The following RPS6KC1 variants were observed in gnomAD, a reference collection of about 807,000 sequenced individuals.
The protein encoded by RPS6KC1 is ribosomal protein S6 kinase C1, also known as inactive ribosomal protein S6 kinase delta-1.
In RPS6KC1, 54 loss-of-function variants were observed where a neutral mutation model predicts 103.8. The ratio of observed to expected loss-of-function variants is 0.52; its 90% CI spans 0.42 to 0.65. The LOEUF is 0.65. RPS6KC1 is among the 30% of genes least tolerant of loss of function. RPS6KC1 has a pLI of 0.00. For missense variants in RPS6KC1, 1,151 were observed against 1,253.8 expected, an observed-to-expected ratio of 0.92 and a Z score of 1.24; for synonymous variants, 439 against 438.7, an observed-to-expected ratio of 1.00 and a Z score of -0.01.
chr1:213,706,595 A>T, the RPS6KC1 span, among the ~76,000 whole-genome samples: 1 of 152,174 alleles, frequency 6.6e-6, no homozygotes, highest in Admixed American at 6.5e-5. Context: ...CATATGCAGA[A>T]TATGCAGGTT....
At chr1:213,767,833 A>G in the RPS6KC1 span, among the ~76,000 whole-genome samples, 1 of 152,164 alleles carries the variant, frequency 6.6e-6, no homozygotes. Context: ...CATCATTGTC[A>G]TCTGTGTTCT....
the RPS6KC1 span, among the ~76,000 whole-genome samples, chr1:213,685,805 T>G: frequency 6.6e-6 from 1 of 152,174 alleles, no homozygotes; most frequent in South Asian, 2.1e-4. Context: ...ACCCTAAAAG[T>G]GTCTGTTAAA....
At chr1:213,582,088 CTT>C in the RPS6KC1 span, among the ~76,000 whole-genome samples, 142 of 139,186 alleles carry the variant, frequency 1.0e-3, no homozygotes, top group African/African-American at 2.5e-3. Flanking sequence ...GATCAGGGAC[CTT>C]TTTTTTTTTT....
At chr1:213,848,507 A>G in the RPS6KC1 span, among the ~76,000 whole-genome samples, 3 of 152,240 alleles carry the variant, frequency 2.0e-5, no homozygotes, top group South Asian at 4.2e-4. Flanking sequence ...TATAGTATAT[A>G]TGTGTATGTA....
At chr1:213,684,538 T>G in the RPS6KC1 span, among the ~76,000 whole-genome samples, 12 of 152,218 alleles carry the variant, frequency 7.9e-5, no homozygotes, top group Admixed American at 7.9e-4. Context: ...CCATCCCTGT[T>G]AGGTTACACT....
chr1:213,438,330 C>T, the RPS6KC1 span, among the ~76,000 whole-genome samples: 19 of 152,196 alleles, frequency 1.2e-4, no homozygotes, highest in South Asian at 3.5e-3. Context: ...TTGTATGACT[C>T]ATAATTTTCT....
chr1:213,286,540 G>C, the RPS6KC1 span, among the ~76,000 whole-genome samples: 1 of 152,192 alleles, frequency 6.6e-6, no homozygotes, highest in Non-Finnish European at 1.5e-5. Context: ...CACCTTTGGA[G>C]AATTACAGGG....
the RPS6KC1 span, among the ~76,000 whole-genome samples, chr1:213,316,223 G>T: frequency 1.7e-4 from 26 of 152,212 alleles, no homozygotes; most frequent in African/African-American, 6.3e-4. Context: ...CATCTAAGAT[G>T]TGCCTGCTTC....
At chr1:213,137,685 G>T (rs905362013) in intron 6 of RPS6KC1, among the ~76,000 whole-genome samples, 1 of 146,172 alleles carries the variant, frequency 6.8e-6, no homozygotes, top group Non-Finnish European at 1.5e-5. Context: ...ATTTAGTTGG[G>T]CTTCCTTTTT....
At chr1:213,190,745 G>A (rs946795739) in intron 8 of RPS6KC1, among the ~76,000 whole-genome samples, 1 of 152,164 alleles carries the variant, frequency 6.6e-6, no homozygotes, top group Admixed American at 6.5e-5. Flanking sequence ...GTCCTGGAGA[G>A]TTTCGCCAGT....
At chr1:213,706,369 C>A in the RPS6KC1 span, among the ~76,000 whole-genome samples, 1 of 152,118 alleles carries the variant, frequency 6.6e-6, no homozygotes, top group East Asian at 1.9e-4. Context: ...TATAACAGGA[C>A]AGCACTGAGT....
chr1:213,246,793 T>G (rs2094461381), intron 12 of RPS6KC1, among the ~76,000 whole-genome samples: 1 of 151,820 alleles, frequency 6.6e-6, no homozygotes. Context: ...GTGGGAGGAT[T>G]GCTTGAGGCT....
At chr1:213,806,309 G>A in the RPS6KC1 span, among the ~76,000 whole-genome samples, 2 of 152,122 alleles carry the variant, frequency 1.3e-5, no homozygotes, top group African/African-American at 4.8e-5. Flanking sequence ...TCCAGCCTGG[G>A]TGACAGAGCG....
At chr1:213,303,613 G>T in the RPS6KC1 span, among the ~76,000 whole-genome samples, 1 of 152,076 alleles carries the variant, frequency 6.6e-6, no homozygotes, top group African/African-American at 2.4e-5. Flanking sequence ...AAAGGCGCGA[G>T]TGTAGGACTT....
chr1:213,834,711 C>CGT, the RPS6KC1 span, among the ~76,000 whole-genome samples: 13 of 109,584 alleles, frequency 1.2e-4, no homozygotes, highest in South Asian at 3.1e-3. Flanking sequence ...CACACACGTA[C>CGT]ACACACACAC....
At chr1:213,705,739 C>T in the RPS6KC1 span, among the ~76,000 whole-genome samples, 1 of 152,228 alleles carries the variant, frequency 6.6e-6, no homozygotes, top group African/African-American at 2.4e-5. Flanking sequence ...TATCCAAGGC[C>T]TTTGCCATAG....
At chr1:213,414,705 C>A in the RPS6KC1 span, among the ~76,000 whole-genome samples, 1 of 151,658 alleles carries the variant, frequency 6.6e-6, no homozygotes, top group South Asian at 2.1e-4. Context: ...GTTATGGGAG[C>A]CCTAGGAAAC....
chr1:213,125,221 CTG>C (rs941097469), intron 5 of RPS6KC1, among the ~76,000 whole-genome samples: 6 of 151,982 alleles, frequency 3.9e-5, no homozygotes, highest in South Asian at 2.1e-4. Flanking sequence ...AGCCTTTTTT[CTG>C]TGTGTGTTTG....
the RPS6KC1 span, among the ~76,000 whole-genome samples, chr1:213,556,554 A>G: frequency 6.6e-6 from 1 of 152,218 alleles, no homozygotes; most frequent in African/African-American, 2.4e-5. Context: ...TGGAACTTAT[A>G]TTAAGAATAT....
Sources: allele counts gnomAD v4.1 joint callset (sites outside exome capture counted in the v4.1 genomes callset), GRCh38; gene constraint gnomAD v4.1.1; transcripts MANE v1.5; gene names NCBI Gene and HGNC (gene_info 2026-07-23, HGNC 2026-07-21).